The following PCDHGA4 variants were observed in gnomAD, a reference collection of about 807,000 sequenced individuals.
PCDHGA4 encodes the protein protocadherin gamma subfamily A, 4.
PCDHGA4 carries 38 observed loss-of-function variants against 54.6 expected under a neutral mutation model. The ratio of observed to expected loss-of-function variants is 0.70; its 90% CI spans 0.54 to 0.91. The LOEUF (loss-of-function observed/expected upper bound fraction) is 0.91. Ranked by LOEUF, PCDHGA4 falls within the 40% of genes least tolerant of loss-of-function variation. The pLI, the probability that PCDHGA4 is intolerant of heterozygous loss-of-function variation, is 0.00. For synonymous variants in PCDHGA4, 511 were observed against 512.9 expected, an observed-to-expected ratio of 1.00 and a Z score of 0.05; for missense variants, 1,298 against 1,220.9, an observed-to-expected ratio of 1.06 and a Z score of -0.94.
chr5:141,437,156 G>T (rs2097864365), intron 1 of PCDHGA4, among the ~76,000 whole-genome samples: 1 of 152,172 alleles, frequency 6.6e-6, no homozygotes, highest in African/African-American at 2.4e-5. Context: ...TAACATATGT[G>T]TTGATTGTTT....
chr5:141,366,355 A>G (rs1196036060), intron 1 of PCDHGA4: 1 of 1,614,004 alleles, frequency 6.2e-7, no homozygotes, highest in Non-Finnish European at 8.5e-7. Context: ...TGGCTGACCT[A>G]GGCAGTATCA....
At chr5:141,415,754 T>C in intron 1 of PCDHGA4, 3 of 1,385,738 alleles carry the variant, frequency 2.2e-6, no homozygotes, top group South Asian at 1.7e-5. Context: ...TTTTTTTTTT[T>C]TTTTTTTTTT....
At chr5:141,382,133 T>C (rs1420684997) in intron 1 of PCDHGA4, among the ~76,000 whole-genome samples, 3 of 152,068 alleles carry the variant, frequency 2.0e-5, no homozygotes, top group Admixed American at 6.6e-5. Context: ...TGGCCCCCCC[T>C]CTCATTTTTT....
Position 141,374,942 on chromosome 5 carries a change from A to G in PCDHGA4, c.2514+17321A>G, listed in dbSNP as rs758134474. The G allele has an allele frequency of 5.6e-6, 9 of 1,613,926 alleles. No individual in the cohort carries two copies. Among genetic ancestry groups the G allele is most frequent in the Non-Finnish European group, 7.6e-6 (9 of 1,179,910 alleles). ...TTATTCCTTTGTGAAGATTACAGAA[A>G]AGATCTCACAAATTTTCTGTTTGAA... On this transcript the variant is annotated intron_variant, in intron 1 of 3. Coordinates refer to ENST00000571252, the MANE Select transcript of PCDHGA4 (RefSeq NM_018917.4).
chr5:141,392,914 C>G (rs2092626800), intron 1 of PCDHGA4: 1 of 1,613,786 alleles, frequency 6.2e-7, no homozygotes. Context: ...ATTCGCTACT[C>G]TGTGCCAGAA....
chr5:141,360,606 C>G, intron 1 of PCDHGA4: 1 of 1,613,962 alleles, frequency 6.2e-7, no homozygotes, highest in Middle Eastern at 1.6e-4. Flanking sequence ...TTGACCCAGC[C>G]CTGGATTCAG....
At chr5:141,404,947 T>G (rs561446437) in intron 1 of PCDHGA4, 9 of 1,613,826 alleles carry the variant, frequency 5.6e-6, no homozygotes, top group Non-Finnish European at 7.6e-6. Flanking sequence ...TAGCCATAGC[T>G]GACAGCATCC....
At chr5:141,362,185 C>T (rs779283904) in intron 1 of PCDHGA4, 15 of 1,613,904 alleles carry the variant, frequency 9.3e-6, no homozygotes, top group Admixed American at 3.3e-5. Context: ...GCCCTCTGAC[C>T]CCCAGGCAAA....
intron 1 of PCDHGA4, chr5:141,421,286 T>G: frequency 6.2e-7 from 1 of 1,613,284 alleles, no homozygotes; most frequent in Non-Finnish European, 8.5e-7. Flanking sequence ...CTGTGCATTT[T>G]CCTGGGGACG....
intron 1 of PCDHGA4, among the ~76,000 whole-genome samples, chr5:141,479,977 A>G (rs145953890): frequency 0.015 from 2,300 of 152,320 alleles, 30 homozygotes; most frequent in Non-Finnish European, 0.024. Context: ...AGGTTCTACC[A>G]TTTACCAACT....
At chr5:141,396,934 G>A (rs1037377516) in intron 1 of PCDHGA4, among the ~76,000 whole-genome samples, 2 of 152,186 alleles carry the variant, frequency 1.3e-5, no homozygotes. Flanking sequence ...GATGAAAGTT[G>A]CCCTGGTAGG....
intron 1 of PCDHGA4, chr5:141,367,582 A>G (rs1339166243): frequency 6.6e-6 from 1 of 150,954 alleles, no homozygotes; most frequent in Admixed American, 6.6e-5. Flanking sequence ...ATATCAGAAA[A>G]GTAGATAAAA....
At chr5:141,414,037 T>C (rs769920301) in intron 1 of PCDHGA4, 2 of 1,611,060 alleles carry the variant, frequency 1.2e-6, no homozygotes, top group Admixed American at 1.7e-5. Context: ...ATTCCGAAAA[T>C]TACCTGACAC....
At chr5:141,510,519 C>A (rs182721864) in intron 3 of PCDHGA4, among the ~76,000 whole-genome samples, 1 of 152,260 alleles carries the variant, frequency 6.6e-6, no homozygotes, top group East Asian at 1.9e-4. Context: ...CGTGTCACAG[C>A]CCTGAGAGAA....
intron 1 of PCDHGA4, chr5:141,418,387 G>T: frequency 1.9e-6 from 3 of 1,614,002 alleles, no homozygotes; most frequent in Non-Finnish European, 2.5e-6. Flanking sequence ...GTCCTAACGA[G>T]TATTTCTCAT....
chr5:141,438,308 C>G (rs2097949954), intron 1 of PCDHGA4, among the ~76,000 whole-genome samples: 1 of 151,766 alleles, frequency 6.6e-6, no homozygotes, highest in Non-Finnish European at 1.5e-5. Context: ...GAAGTTGGTA[C>G]CACCATAATT....
At chr5:141,497,665 G>A (rs1011161465) in intron 2 of PCDHGA4, among the ~76,000 whole-genome samples, 3 of 151,348 alleles carry the variant, frequency 2.0e-5, no homozygotes, top group South Asian at 2.1e-4. Flanking sequence ...TCAGCCTCCC[G>A]AGTAGCTGGG....
At chr5:141,502,961 A>G (rs886622146) in intron 2 of PCDHGA4, among the ~76,000 whole-genome samples, 3 of 146,786 alleles carry the variant, frequency 2.0e-5, no homozygotes, top group Non-Finnish European at 4.4e-5. Context: ...CTCCTGCCTC[A>G]GCCTCCCAAG....
intron 1 of PCDHGA4, chr5:141,366,217 G>A: frequency 1.9e-6 from 3 of 1,613,788 alleles, no homozygotes; most frequent in South Asian, 2.2e-5. Context: ...TGCGCACAGC[G>A]CGAGCCCTGC....
Sources: allele counts gnomAD v4.1 joint callset (sites outside exome capture counted in the v4.1 genomes callset), GRCh38; gene constraint gnomAD v4.1.1; transcripts MANE v1.5; gene names NCBI Gene and HGNC (gene_info 2026-07-23, HGNC 2026-07-21).